FHIP1A: variants seen among roughly 807,000 people sequenced by gnomAD.
FHIP1A encodes the protein FHF complex subunit HOOK interacting protein 1A.
FHIP1A carries 61 observed loss-of-function variants against 88.6 expected under a neutral mutation model. The ratio of observed to expected loss-of-function variants is 0.69; its 90% CI spans 0.56 to 0.85. The LOEUF is 0.85. Among genes scored for constraint, FHIP1A ranks in the 40% least tolerant of loss-of-function variants. The pLI is 0.00. For synonymous variants in FHIP1A, 478 were observed against 496.0 expected (o/e 0.96, Z 0.48); for missense variants, 1,154 against 1,273.5 (o/e 0.91, Z 1.43).
At chr4:151,473,565 TATTC>T (rs1467725836) in intron 2 of FHIP1A, among the ~76,000 whole-genome samples, 2 of 152,192 alleles carry the variant, frequency 1.3e-5, no homozygotes, top group Non-Finnish European at 1.5e-5. Context: ...TAGAATATAA[TATTC>T]ATAGCTCAAT....
chr4:151,419,052 A>G (rs1733011589), intron 1 of FHIP1A, among the ~76,000 whole-genome samples: 1 of 152,164 alleles, frequency 6.6e-6, no homozygotes, highest in Non-Finnish European at 1.5e-5. Context: ...AATTTTATGT[A>G]TCAACTTGCC....
At chr4:151,517,506 G>A (rs570729303) in intron 3 of FHIP1A, among the ~76,000 whole-genome samples, 5 of 152,120 alleles carry the variant, frequency 3.3e-5, no homozygotes, top group South Asian at 2.1e-4. Context: ...GCAATATGGC[G>A]ACTTTGGTTG....
intron 2 of FHIP1A, among the ~76,000 whole-genome samples, chr4:151,459,575 CA>C (rs1729080081): frequency 6.6e-6 from 1 of 152,194 alleles, no homozygotes; most frequent in African/African-American, 2.4e-5. Context: ...TCTGTAATAT[CA>C]TTTAAGAATT....
chr4:151,621,580 G>A (rs1735747053), intron 7 of FHIP1A, among the ~76,000 whole-genome samples: 1 of 98,358 alleles, frequency 1.0e-5, no homozygotes, highest in East Asian at 2.8e-4. Flanking sequence ...TGGGGGAGGA[G>A]TTGGGGGGGT....
chr4:151,457,656 A>G (rs1729012204), intron 2 of FHIP1A, among the ~76,000 whole-genome samples: 1 of 152,114 alleles, frequency 6.6e-6, no homozygotes, highest in Non-Finnish European at 1.5e-5. Flanking sequence ...TGTGTTTTTA[A>G]AAAAGGTGTT....
intron 2 of FHIP1A, among the ~76,000 whole-genome samples, chr4:151,455,815 T>C (rs970526807): frequency 6.6e-6 from 1 of 152,238 alleles, no homozygotes; most frequent in African/African-American, 2.4e-5. Context: ...CATTTATGTT[T>C]AACAAATAGA....
intron 3 of FHIP1A, among the ~76,000 whole-genome samples, chr4:151,557,466 T>C (rs1211336171): frequency 6.6e-6 from 1 of 152,240 alleles, no homozygotes; most frequent in Non-Finnish European, 1.5e-5. Context: ...ACACACATGC[T>C]AATTTAGTGG....
rs189935889 is a variant in FHIP1A at position 151,447,429 on chromosome 4, C to T, written c.-355-7272C>T. 1.5e-3 allele frequency among the ~76,000 whole-genome samples: 223 copies of T among 152,246 alleles called. No homozygotes were observed. The Middle Eastern group carries it at 0.017, about 12-fold the overall frequency. On this transcript the variant is annotated intron_variant, in intron 1 of 13. Coordinates refer to ENST00000435205, the MANE Select transcript of FHIP1A (RefSeq NM_001109977.3). ...AATGCATTTTCATTTCACTTCTGCTCGAAGTATTAGCTATCACTTCCCCTG... is the reference window on the plus strand; with the variant it reads ...AATGCATTTTCATTTCACTTCTGCTTGAAGTATTAGCTATCACTTCCCCTG...
intron 1 of FHIP1A, among the ~76,000 whole-genome samples, chr4:151,415,323 A>T (rs1024012272): frequency 6.6e-6 from 1 of 151,910 alleles, no homozygotes; most frequent in African/African-American, 2.4e-5. Context: ...AGTAGCTAGG[A>T]CTACAGGTGT....
intron 2 of FHIP1A, among the ~76,000 whole-genome samples, chr4:151,464,765 T>A (rs755861814): frequency 3.3e-5 from 5 of 152,136 alleles, no homozygotes; most frequent in African/African-American, 7.2e-5. Flanking sequence ...GGTACTCACT[T>A]TTTTATTTGA....
At position 151,608,037 on chromosome 4, in the gene FHIP1A, C is replaced by CTTTTTTTTTTTTTTTTTTTT. The variant is rs376335318; in HGVS notation, c.978+19117_978+19136dup. Among the ~76,000 whole-genome samples, 28 of 67,100 alleles carry CTTTTTTTTTTTTTTTTTTTT rather than the reference C, an allele frequency of 4.2e-4. 2 individuals are homozygous for CTTTTTTTTTTTTTTTTTTTT. The highest frequency in any genetic ancestry group is 5.1e-4 in the African/African-American group (9 of 17,790). 44.0% of individuals were successfully genotyped at this position (67,100 alleles called of 152,430 possible). A position where few individuals can be genotyped will look rare whatever the true frequency, so the allele number is the denominator to read the frequency against. ...TTTTCTTTTCTTTTTCTTTCTTCTT[C>CTTTTTTTTTTTTTTTTTTTT]TTTTTTTTTTTTTTTTTTTTTTTTT... is the stretch of plus-strand genomic sequence containing the variant. On this transcript the variant is annotated intron_variant, in intron 7 of 13. Coordinates refer to ENST00000435205, the MANE Select transcript of FHIP1A (RefSeq NM_001109977.3).
intron 3 of FHIP1A, among the ~76,000 whole-genome samples, chr4:151,562,620 GTA>G (rs1733220444): frequency 6.6e-6 from 1 of 152,000 alleles, no homozygotes; most frequent in African/African-American, 2.4e-5. Context: ...TCATTAGAGA[GTA>G]TTTATTTAAA....
chr4:151,577,322 A>G (rs181513409), intron 4 of FHIP1A, 128 bp from the exon 5 acceptor site: 17 of 752,604 alleles, frequency 2.3e-5, no homozygotes, highest in Non-Finnish European at 3.2e-5. Context: ...CACACACACA[A>G]TGCCCACACA....
intron 13 of FHIP1A, among the ~76,000 whole-genome samples, chr4:151,658,779 T>C (rs1737345447): frequency 6.6e-6 from 1 of 152,166 alleles, no homozygotes; most frequent in African/African-American, 2.4e-5. Flanking sequence ...AAGCGGTCAA[T>C]TTTCATTATC....
At chr4:151,608,233 CAG>C (rs1441879871) in intron 7 of FHIP1A, among the ~76,000 whole-genome samples, 1 of 151,446 alleles carries the variant, frequency 6.6e-6, no homozygotes, top group African/African-American at 2.4e-5. Flanking sequence ...TTAGTGAAGA[CAG>C]AGTTTCACCA....
intron 5 of FHIP1A, among the ~76,000 whole-genome samples, chr4:151,582,027 C>T (rs1311225301): frequency 1.3e-5 from 2 of 151,650 alleles, no homozygotes; most frequent in Non-Finnish European, 2.9e-5. Flanking sequence ...TTTTTAAAAC[C>T]AAATATTGAT....
At chr4:151,412,163 G>T (rs1006707350) in intron 1 of FHIP1A, among the ~76,000 whole-genome samples, 3 of 152,184 alleles carry the variant, frequency 2.0e-5, no homozygotes, top group Non-Finnish European at 4.4e-5. Flanking sequence ...GAGTGCAATG[G>T]TGTGATCTCG....
At position 151,656,928 on chromosome 4, in the gene FHIP1A, C is replaced by T; in HGVS notation, c.2869+30C>T. ...GCCAGGTTTCTCCACAGCGCCCCTC[C>T]TTAAATTCCTCCTCCACGTCCCTGG... On this transcript the variant is annotated intron_variant, in intron 13 of 13. Transcript: ENST00000435205. This position sits in a 1 kb window ranked among gnomAD's most constrained non-coding sequence, Gnocchi z 4.2. 1.3e-6 allele frequency: 2 copies of T among 1,535,004 alleles called. No individual in the cohort carries two copies. Among genetic ancestry groups the T allele is most frequent in the Non-Finnish European group, 1.8e-6 (2 of 1,136,754 alleles).
At chr4:151,492,949 C>A (rs1471441583) in intron 3 of FHIP1A, among the ~76,000 whole-genome samples, 1 of 152,002 alleles carries the variant, frequency 6.6e-6, no homozygotes, top group Non-Finnish European at 1.5e-5. Flanking sequence ...CAAACCAAAC[C>A]AAAACCCAGC....
Sources: gnomAD v4.1 joint callset for allele counts (sites outside exome capture counted in the v4.1 genomes callset) on GRCh38, gnomAD v4.1.1 for gene constraint, Gnocchi (gnomAD v3.1) non-coding constraint, MANE v1.5 for transcripts, NCBI Gene and HGNC (gene_info 2026-07-23, HGNC 2026-07-21) for gene names.